WDFY4: variants seen among roughly 807,000 people sequenced by gnomAD.
WDFY4 encodes WD repeat- and FYVE domain-containing protein 4.
A neutral mutation model predicts 351.9 loss-of-function variants in WDFY4; 169 were observed. The ratio of observed to expected loss-of-function variants is 0.48; its 90% confidence interval spans 0.42 to 0.55. The LOEUF is 0.55. Among genes scored for constraint, WDFY4 ranks in the 20% least tolerant of loss-of-function variants. The pLI, the probability that WDFY4 is intolerant of heterozygous loss-of-function variation, is 0.00. For synonymous variants in WDFY4, 1,622 were observed against 1,574.6 expected (o/e 1.03, Z -0.71); for missense variants, 3,803 against 3,935.6 (o/e 0.97, Z 0.90).
At chr10:48,801,531 A>C (rs1242420983) in intron 24 of WDFY4, 1 of 456,440 alleles carries the variant, frequency 2.2e-6, no homozygotes, top group Non-Finnish European at 4.4e-6. Context: ...GCCATGCTGG[A>C]TACCCATGTT....
intron 12 of WDFY4, among the ~76,000 whole-genome samples, chr10:48,744,148 C>G (rs1425256828): frequency 1.3e-5 from 2 of 152,158 alleles, no homozygotes; most frequent in African/African-American, 2.4e-5. Flanking sequence ...TCCACTAAAG[C>G]AAGAGAGCAC....
chr10:48,826,954 A>G, intron 36 of WDFY4, 45 bp downstream of exon 36: 1 of 1,475,536 alleles, frequency 6.8e-7, no homozygotes, highest in Non-Finnish European at 9.3e-7. Context: ...TGGTCCATGC[A>G]GAAAGGAGAG....
At chr10:48,950,828 A>G (rs937559538) in intron 51 of WDFY4, among the ~76,000 whole-genome samples, 4 of 152,238 alleles carry the variant, frequency 2.6e-5, no homozygotes, top group Admixed American at 6.5e-5. Context: ...TGCAGCAGGC[A>G]TGCAGTGTGC....
Position 48,830,060 on chromosome 10 carries a change from G to A in WDFY4, c.6341-640G>A, listed in dbSNP as rs565900521. Among the ~76,000 whole-genome samples, 4 of 152,324 alleles carry A rather than the reference G, an allele frequency of 2.6e-5. No individual in the cohort carries two copies. The South Asian group carries it at 8.3e-4, about 32-fold the overall frequency. ...AGTCTCCAGGGGCTGTTACCAGAGA[G>A]GGGACTCATTGGTCCAAGATCAGAG... On this transcript the variant is annotated intron_variant, in intron 37 of 61. Transcript: ENST00000325239.
At chr10:48,714,578 T>C (rs1361761507) in intron 2 of WDFY4, among the ~76,000 whole-genome samples, 1 of 152,198 alleles carries the variant, frequency 6.6e-6, no homozygotes, top group Non-Finnish European at 1.5e-5. Flanking sequence ...GAAGGTGTTC[T>C]TCTAGCAATC....
At chr10:48,756,724 A>C (rs1033626410) in intron 12 of WDFY4, among the ~76,000 whole-genome samples, 4 of 152,064 alleles carry the variant, frequency 2.6e-5, no homozygotes, top group African/African-American at 9.7e-5. Context: ...TTATCATGTG[A>C]TTTTATTAAT....
chr10:48,974,054 G>A (rs1255675930), intron 57 of WDFY4, among the ~76,000 whole-genome samples: 1 of 152,208 alleles, frequency 6.6e-6, no homozygotes, highest in Non-Finnish European at 1.5e-5. Context: ...CTGAGGGCTT[G>A]TGAAAATTCA....
intron 19 of WDFY4, among the ~76,000 whole-genome samples, chr10:48,781,877 G>T (rs1192933374): frequency 1.3e-5 from 2 of 152,194 alleles, no homozygotes; most frequent in African/African-American, 2.4e-5. Context: ...ATAAGCCAAA[G>T]ACCTCCAGGA....
intron 11 of WDFY4, among the ~76,000 whole-genome samples, chr10:48,742,224 G>A (rs1342401759): frequency 1.3e-5 from 2 of 152,224 alleles, no homozygotes; most frequent in Non-Finnish European, 2.9e-5. Context: ...ATTCCACGAT[G>A]TATCCTATCA....
At position 48,734,940 on chromosome 10, in the gene WDFY4, T is replaced by C. The variant is rs1377693851; in HGVS notation, c.1687+905T>C. ...ACAGGCGCACGCCGCCATGCACGGC[T>C]AATTTTTTTTTTTTTTTTTTTTGGT... On this transcript the variant is annotated intron_variant, in intron 10 of 61. Coordinates refer to ENST00000325239, the MANE Select transcript of WDFY4 (RefSeq NM_001394531.1). Among the ~76,000 whole-genome samples the C allele has an allele frequency of 3.9e-5, 3 of 77,228 alleles. No homozygotes were observed. In the Admixed American group the frequency reaches 5.8e-4, roughly 15 times the overall value. 50.7% of individuals were successfully genotyped at this position (77,228 alleles called of 152,430 possible).
chr10:48,930,877 T>C (rs994416155), intron 47 of WDFY4, among the ~76,000 whole-genome samples: 1 of 152,174 alleles, frequency 6.6e-6, no homozygotes, highest in African/African-American at 2.4e-5. Context: ...GTGTGAGCCC[T>C]GTGTTCTCTG....
At chr10:48,834,181 C>T (rs941611235) in intron 39 of WDFY4, among the ~76,000 whole-genome samples, 6 of 151,966 alleles carry the variant, frequency 3.9e-5, no homozygotes, top group Non-Finnish European at 5.9e-5. Context: ...TGATTGAATA[C>T]GTGAATGTGT....
intron 39 of WDFY4, among the ~76,000 whole-genome samples, chr10:48,845,478 G>A (rs905435114): frequency 4.0e-5 from 6 of 151,476 alleles, no homozygotes; most frequent in Non-Finnish European, 4.4e-5. Flanking sequence ...GTGCCCAGAA[G>A]AGAGAGTGCA....
intron 31 of WDFY4, among the ~76,000 whole-genome samples, chr10:48,816,553 A>G (rs2067626439): frequency 6.6e-6 from 1 of 152,180 alleles, no homozygotes; most frequent in Non-Finnish European, 1.5e-5. Flanking sequence ...GTTTTATTGT[A>G]GGCCTAATGA....
chr10:48,898,769 C>T (rs759263803), intron 45 of WDFY4, among the ~76,000 whole-genome samples: 2 of 152,118 alleles, frequency 1.3e-5, no homozygotes, highest in African/African-American at 4.8e-5. Context: ...TTCCTGAGGG[C>T]CTTTGCAGGG....
Position 48,822,557 on chromosome 10 carries a change from C to T in WDFY4, c.5982+20C>T, listed in dbSNP as rs577495463. On this transcript the variant is annotated intron_variant, in intron 35 of 61. Coordinates refer to ENST00000325239, the MANE Select transcript of WDFY4 (RefSeq NM_001394531.1). ...ATGGTGGTAAGAGCTGCTCACTGAC[C>T]GGGTATCTGTGTGGATCTGAATGAT... 4.3e-5 allele frequency: 65 copies of T among 1,510,360 alleles called. No individual in the cohort carries two copies. Among genetic ancestry groups the T allele is most frequent in the South Asian group, 1.6e-4 (12 of 77,374 alleles). The allele number at this position is 1,510,360 out of a possible 1,614,324, so 93.6% of individuals were successfully genotyped here.
chr10:48,774,132 G>A (rs2065952932), intron 13 of WDFY4, among the ~76,000 whole-genome samples: 1 of 152,254 alleles, frequency 6.6e-6, no homozygotes, highest in African/African-American at 2.4e-5. Flanking sequence ...CTGAAATATT[G>A]TGTGGGTCAA....
Position 48,826,653 on chromosome 10 carries a change from GT to G in WDFY4, c.5983-11del, listed in dbSNP as rs778702106. 6.5e-6 allele frequency: 10 copies of G among 1,533,106 alleles called. No individual in the cohort carries two copies. The Admixed American group carries it at 7.9e-5, about 12-fold the overall frequency. The allele number at this position is 1,533,106 out of a possible 1,614,324, so 95.0% of individuals were successfully genotyped here. On this transcript the variant is annotated splice_polypyrimidine_tract_variant and intron_variant, in intron 35 of 61. Coordinates refer to ENST00000325239, the MANE Select transcript of WDFY4 (RefSeq NM_001394531.1). ...CACTCACAAGTTTGTGTATGTGTAT[GT>G]TTTTTTAATGACACAGGTCATTGAG...
chr10:48,714,059 C>T (rs1031291078), intron 2 of WDFY4, among the ~76,000 whole-genome samples: 10 of 152,302 alleles, frequency 6.6e-5, no homozygotes, highest in East Asian at 1.9e-4. Flanking sequence ...CTCACAATAA[C>T]GCTGTGATGT....
Sources: gnomAD v4.1 joint callset for allele counts (sites outside exome capture counted in the v4.1 genomes callset) on GRCh38, gnomAD v4.1.1 for gene constraint, MANE v1.5 for transcripts, NCBI Gene and HGNC (gene_info 2026-07-23, HGNC 2026-07-21) for gene names.